DPP6: variants seen among roughly 807,000 people sequenced by gnomAD.
DPP6 encodes dipeptidyl peptidase like 6.
In DPP6, 69 loss-of-function variants were observed where a neutral mutation model predicts 122.6. The observed-to-expected ratio is 0.56, with a 90% CI of 0.46 to 0.69. The LOEUF is 0.69. DPP6 is among the 30% of genes least tolerant of loss of function. DPP6 has a pLI of 0.00. For synonymous variants in DPP6, 418 were observed against 433.1 expected (o/e 0.97, Z 0.43); for missense variants, 928 against 1,116.9 (o/e 0.83, Z 2.41).
chr7:154,868,611 T>G (rs59295313), intron 18 of DPP6, among the ~76,000 whole-genome samples: 18,101 of 152,158 alleles, frequency 0.12, 1,608 homozygotes, highest in East Asian at 0.5. Context: ...AGTCATTCGG[T>G]AAGTTCTCCT....
At chr7:153,921,869 A>G (rs1800653912) in intron 1 of DPP6, among the ~76,000 whole-genome samples, 1 of 152,246 alleles carries the variant, frequency 6.6e-6, no homozygotes, top group South Asian at 2.1e-4. Flanking sequence ...CTGCAAGGCG[A>G]GAAAGTTAGC....
chr7:153,932,693 C>T (rs569918903), intron 1 of DPP6, among the ~76,000 whole-genome samples: 7 of 152,230 alleles, frequency 4.6e-5, no homozygotes, highest in East Asian at 1.9e-4. Flanking sequence ...ATAATCTGTT[C>T]CACAGAAAAT....
At chr7:154,279,125 ATGTG>A (rs1441306285) in intron 1 of DPP6, among the ~76,000 whole-genome samples, 1 of 150,182 alleles carries the variant, frequency 6.7e-6, no homozygotes, top group Non-Finnish European at 1.5e-5. Flanking sequence ...GTGTCTGGGC[ATGTG>A]TGTGTATCTA....
At chr7:154,891,006 T>C (rs1806555509) in intron 25 of DPP6, 1 of 152,114 alleles carries the variant, frequency 6.6e-6, no homozygotes, top group Non-Finnish European at 1.5e-5. Flanking sequence ...GGTGCGGGGA[T>C]TGCCTTGAGC....
At chr7:154,167,558 G>C (rs1435544438) in intron 1 of DPP6, among the ~76,000 whole-genome samples, 1 of 152,208 alleles carries the variant, frequency 6.6e-6, no homozygotes, top group Admixed American at 6.5e-5. Flanking sequence ...AACTCTTTGC[G>C]TACGCATTTT....
intron 7 of DPP6, among the ~76,000 whole-genome samples, chr7:154,722,674 C>T (rs62475808): frequency 0.12 from 18,393 of 151,880 alleles, 1,308 homozygotes; most frequent in Middle Eastern, 0.16. Flanking sequence ...GTGAGTGGCT[C>T]CAGGTGGGTG....
chr7:154,803,871 G>C lies in DPP6; in HGVS notation c.1415G>C (p.Ser472Thr). ...CATGTCTGTGTGTTTCAGCCCAACA[G>C]CAGCAACGACAACATCCAGTCCATC... ...HITVSSSQPN[S>T]SNDNIQSITS... is the part of the protein sequence containing the mutation. The change falls in exon 14 of 26, where the codon AGC (serine) becomes ACC (threonine). Residue 472 changes from serine to threonine, a missense_variant. Physicochemically the swap from Ser to Thr is moderately conservative, Grantham distance 58. Transcript: ENST00000377770. The C allele has an allele frequency of 1.2e-6, 2 of 1,613,612 alleles. No homozygotes were observed. Among genetic ancestry groups the C allele is most frequent in the Non-Finnish European group, 1.7e-6 (2 of 1,179,618 alleles).
chr7:154,589,981 T>C (rs929177929), intron 5 of DPP6, among the ~76,000 whole-genome samples: 1 of 152,250 alleles, frequency 6.6e-6, no homozygotes, highest in Admixed American at 6.5e-5. Context: ...AATCCTCTTG[T>C]CTTCTTTATA....
intron 16 of DPP6, among the ~76,000 whole-genome samples, chr7:154,811,316 A>C (rs554509490): frequency 6.6e-6 from 1 of 152,360 alleles, no homozygotes; most frequent in South Asian, 2.1e-4. Context: ...CTGACCTGGC[A>C]GACCCTGAAG....
chr7:154,830,193 A>C (rs1376572511), intron 16 of DPP6, among the ~76,000 whole-genome samples: 1 of 152,122 alleles, frequency 6.6e-6, no homozygotes, highest in African/African-American at 2.4e-5. Flanking sequence ...TTGAAAATCC[A>C]CATTCGCTGC....
the DPP6 span, among the ~76,000 whole-genome samples, chr7:153,848,289 C>A: frequency 6.6e-6 from 1 of 150,532 alleles, no homozygotes; most frequent in Non-Finnish European, 1.5e-5. Flanking sequence ...TCACCCCGCT[C>A]CCCGAGAGAG....
At chr7:154,565,788 G>T (rs141308992) in intron 4 of DPP6, among the ~76,000 whole-genome samples, 1 of 152,166 alleles carries the variant, frequency 6.6e-6, no homozygotes, top group African/African-American at 2.4e-5. Context: ...GCCTCCCAAA[G>T]TGCTGGGATT....
At chr7:154,054,290 T>C (rs2129063619) in intron 1 of DPP6, among the ~76,000 whole-genome samples, 1 of 152,320 alleles carries the variant, frequency 6.6e-6, no homozygotes, top group African/African-American at 2.4e-5. Context: ...CGTATTTCTT[T>C]AGTGCAAGAG....
intron 7 of DPP6, among the ~76,000 whole-genome samples, chr7:154,674,073 A>G (rs1161408734): frequency 1.3e-5 from 2 of 151,974 alleles, no homozygotes; most frequent in Admixed American, 6.6e-5. Flanking sequence ...ATGGGGTTTC[A>G]CCGTTTTGGC....
chr7:154,885,560 T>G, intron 21 of DPP6, 73 bp from the exon 22 acceptor site: 1 of 1,527,018 alleles, frequency 6.5e-7, no homozygotes, highest in Non-Finnish European at 8.8e-7. Context: ...TGGGGCTGTC[T>G]CCCTGCCCGA....
At chr7:153,850,306 T>C in the DPP6 span, among the ~76,000 whole-genome samples, 2 of 152,114 alleles carry the variant, frequency 1.3e-5, no homozygotes, top group African/African-American at 4.8e-5. Flanking sequence ...TGGTGGTTTG[T>C]TGGGCTGAGG....
intron 1 of DPP6, among the ~76,000 whole-genome samples, chr7:154,074,104 G>GATAGATATATATAGATATCTAT (rs1266353145): frequency 0.022 from 1,838 of 81,884 alleles, 51 homozygotes; most frequent in African/African-American, 0.082. Flanking sequence ...TCTATATAGA[G>GATAGATATATATAGATATCTAT]ATAGAGAGAT....
intron 1 of DPP6, among the ~76,000 whole-genome samples, chr7:153,910,379 G>T (rs11763978): frequency 0.17 from 25,096 of 151,810 alleles, 2,584 homozygotes; most frequent in Non-Finnish European, 0.23. Flanking sequence ...ATAGGCACGA[G>T]CCCACACCCA....
intron 10 of DPP6, among the ~76,000 whole-genome samples, chr7:154,781,387 G>A (rs762157958): frequency 7.9e-5 from 12 of 152,138 alleles, no homozygotes; most frequent in South Asian, 2.1e-4. Context: ...CTCTCACTTC[G>A]TTCTCCCTCA....
Sources: allele counts gnomAD v4.1 joint callset (sites outside exome capture counted in the v4.1 genomes callset), GRCh38; gene constraint gnomAD v4.1.1; transcripts MANE v1.5; gene names NCBI Gene and HGNC (gene_info 2026-07-23, HGNC 2026-07-21).